CXCL13: variants seen among roughly 807,000 people sequenced by gnomAD.
CXCL13 encodes C-X-C motif chemokine 13.
A neutral mutation model predicts 12.2 loss-of-function variants in CXCL13; 7 were observed. The ratio of observed to expected loss-of-function variants is 0.57; its 90% CI spans 0.33 to 1.07. The LOEUF (loss-of-function observed/expected upper bound fraction) is 1.07. CXCL13 is among the 50% of genes least tolerant of loss of function. The probability of loss-of-function intolerance (pLI) is 0.04; values close to 1 mark genes in which losing one functional copy is unlikely to be tolerated. For missense variants in CXCL13, 113 were observed against 127.4 expected (o/e 0.89, Z 0.55); for synonymous variants, 47 against 42.4 (o/e 1.11, Z -0.42).
intron 1 of CXCL13, among the ~76,000 whole-genome samples, chr4:77,540,313 T>C (rs2109800462): frequency 6.6e-6 from 1 of 152,296 alleles, no homozygotes; most frequent in South Asian, 2.1e-4. Context: ...TTTGTTACCC[T>C]GGTATATGGC....
chr4:77,581,297 A>G (rs984322398), intron 1 of CXCL13, among the ~76,000 whole-genome samples: 2 of 152,252 alleles, frequency 1.3e-5, no homozygotes, highest in Non-Finnish European at 2.9e-5. Flanking sequence ...AGTATGATCT[A>G]GAGAAATATG....
At chr4:77,547,344 A>G (rs1272917444) in intron 1 of CXCL13, among the ~76,000 whole-genome samples, 1 of 152,172 alleles carries the variant, frequency 6.6e-6, no homozygotes, top group Non-Finnish European at 1.5e-5. Context: ...TACATATCAC[A>G]TTATTATTGT....
intron 1 of CXCL13, among the ~76,000 whole-genome samples, chr4:77,528,138 C>A (rs1440012364): frequency 6.6e-6 from 1 of 152,174 alleles, no homozygotes. Context: ...CATAGTATTC[C>A]ATGGTGTATA....
At chr4:77,520,854 G>T (rs1350944424) in intron 1 of CXCL13, among the ~76,000 whole-genome samples, 1 of 152,162 alleles carries the variant, frequency 6.6e-6, no homozygotes, top group Non-Finnish European at 1.5e-5. Flanking sequence ...TTGTGAGTTT[G>T]TCATAAATAG....
At chr4:77,531,176 T>A (rs111538018) in intron 1 of CXCL13, among the ~76,000 whole-genome samples, 2,855 of 150,810 alleles carry the variant, frequency 0.019, 85 homozygotes, top group African/African-American at 0.051. Flanking sequence ...CACAACGTGC[T>A]GGTTTGTTAC....
intron 1 of CXCL13, among the ~76,000 whole-genome samples, chr4:77,543,770 T>C (rs1725263377): frequency 6.6e-6 from 1 of 152,166 alleles, no homozygotes; most frequent in African/African-American, 2.4e-5. Context: ...TATTATACTT[T>C]AATTTCTAGG....
intron 1 of CXCL13, among the ~76,000 whole-genome samples, chr4:77,596,785 CA>C (rs1024280441): frequency 0.049 from 3,162 of 64,766 alleles, 69 homozygotes; most frequent in African/African-American, 0.13. Context: ...GACTCTGTCT[CA>C]AAAAAAAAAA....
At chr4:77,583,113 C>T (rs532497263) in intron 1 of CXCL13, among the ~76,000 whole-genome samples, 121 of 152,308 alleles carry the variant, frequency 7.9e-4, no homozygotes, top group African/African-American at 2.7e-3. Flanking sequence ...CTCAGCTCTT[C>T]CTTAGGTCAG....
At chr4:77,521,684 T>C (rs1409734916) in intron 1 of CXCL13, among the ~76,000 whole-genome samples, 1 of 152,182 alleles carries the variant, frequency 6.6e-6, no homozygotes. Context: ...ATTCATTGAT[T>C]TTTTGAAGGG....
At chr4:77,585,637 A>G (rs1471382944) in intron 1 of CXCL13, among the ~76,000 whole-genome samples, 1 of 152,204 alleles carries the variant, frequency 6.6e-6, no homozygotes, top group Non-Finnish European at 1.5e-5. Context: ...CACCCAGTGG[A>G]CACTAAAGTG....
intron 1 of CXCL13, among the ~76,000 whole-genome samples, chr4:77,517,118 T>C (rs1225193271): frequency 6.6e-6 from 1 of 152,204 alleles, no homozygotes; most frequent in African/African-American, 2.4e-5. Context: ...TGAGTGGTTT[T>C]GAGTGAGTTT....
intron 1 of CXCL13, among the ~76,000 whole-genome samples, chr4:77,607,313 G>GT (rs1282246908): frequency 6.6e-6 from 1 of 152,062 alleles, no homozygotes; most frequent in Non-Finnish European, 1.5e-5. Context: ...AAATTGCTGT[G>GT]TTTTTTTGAA....
chr4:77,523,856 CT>C (rs1235198624), intron 1 of CXCL13, among the ~76,000 whole-genome samples: 1 of 152,014 alleles, frequency 6.6e-6, no homozygotes, highest in Admixed American at 6.5e-5. Context: ...CTTTACCTAC[CT>C]TGGTCTTTGA....
upstream of CXCL13, among the ~76,000 whole-genome samples, chr4:77,602,699 GT>G (rs1255796213): frequency 6.6e-6 from 1 of 151,976 alleles, no homozygotes; most frequent in Admixed American, 6.6e-5. Flanking sequence ...TAAAAATCAG[GT>G]TTGATATAAA....
intron 1 of CXCL13, among the ~76,000 whole-genome samples, chr4:77,595,650 C>T (rs764840658): frequency 1.3e-5 from 2 of 151,816 alleles, no homozygotes; most frequent in Non-Finnish European, 2.9e-5. Flanking sequence ...GTCCTACTTG[C>T]CTATAGGGCC....
chr4:77,578,137 C>T (rs1398648958), intron 1 of CXCL13, among the ~76,000 whole-genome samples: 1 of 152,206 alleles, frequency 6.6e-6, no homozygotes. Context: ...GCCTCCCTCT[C>T]CCTGTGCAAA....
At chr4:77,606,769 T>C (rs111333420) in intron 1 of CXCL13, among the ~76,000 whole-genome samples, 8 of 152,342 alleles carry the variant, frequency 5.3e-5, no homozygotes, top group African/African-American at 1.9e-4. Context: ...TTTTGTTTGC[T>C]TGTTTCCCCT....
chr4:77,598,836 G>A (rs995514750), intron 1 of CXCL13, among the ~76,000 whole-genome samples: 20 of 150,722 alleles, frequency 1.3e-4, no homozygotes, highest in Admixed American at 1.2e-3. Flanking sequence ...TTTTCTTTGA[G>A]ATGGAGTCTC....
At chr4:77,602,530 C>T (rs976273873), upstream of CXCL13, among the ~76,000 whole-genome samples, 16 of 152,092 alleles carry the variant, frequency 1.1e-4, no homozygotes, top group East Asian at 1.6e-3. Context: ...AACTAGCTCT[C>T]GGGTGAAGTT....
Sources: allele counts gnomAD v4.1 joint callset (sites outside exome capture counted in the v4.1 genomes callset), GRCh38; gene constraint gnomAD v4.1.1; transcripts MANE v1.5; gene names NCBI Gene and HGNC (gene_info 2026-07-23, HGNC 2026-07-21).